ATXN7L1: variants seen among roughly 807,000 people sequenced by gnomAD.
ATXN7L1 encodes the protein ataxin 7 like 1, also known as ataxin-7-like protein 1.
ATXN7L1 carries 15 observed loss-of-function variants against 70.8 expected under a neutral mutation model. That is an observed-to-expected ratio of 0.21 (90% CI 0.14 to 0.33). The LOEUF is 0.33. ATXN7L1 is among the 10% of genes least tolerant of loss of function. The pLI is 1.00. For synonymous variants in ATXN7L1, 440 were observed against 445.1 expected (o/e 0.99, Z 0.14); for missense variants, 975 against 1,097.1 (o/e 0.89, Z 1.57).
chr7:105,821,525 C>T (rs886755446), intron 2 of ATXN7L1, among the ~76,000 whole-genome samples: 3 of 152,076 alleles, frequency 2.0e-5, no homozygotes, highest in African/African-American at 4.8e-5. Flanking sequence ...TGTTGAATGG[C>T]GTAGAAGATT....
chr7:105,852,839 A>G (rs1016999552), intron 2 of ATXN7L1, among the ~76,000 whole-genome samples: 6 of 152,074 alleles, frequency 3.9e-5, no homozygotes, highest in African/African-American at 1.4e-4. Context: ...TAAAATGTCA[A>G]ATATACATAC....
At chr7:105,760,248 G>A in intron 3 of ATXN7L1, 1 of 982,574 alleles carries the variant, frequency 1.0e-6, no homozygotes, top group African/African-American at 1.7e-5. Context: ...AAGTGACAAA[G>A]GATATTTATG....
chr7:105,807,372 C>T (rs1364687332), intron 2 of ATXN7L1, among the ~76,000 whole-genome samples: 1 of 152,212 alleles, frequency 6.6e-6, no homozygotes, highest in African/African-American at 2.4e-5. Flanking sequence ...CTGCACTTCC[C>T]TGCCTCAAAA....
At chr7:105,653,676 C>T (rs1407914949) in intron 4 of ATXN7L1, among the ~76,000 whole-genome samples, 3 of 152,172 alleles carry the variant, frequency 2.0e-5, no homozygotes, top group African/African-American at 7.2e-5. Flanking sequence ...GCAAATCTGA[C>T]CATGAAAGTC....
At chr7:105,683,068 A>G (rs1307909010) in intron 3 of ATXN7L1, among the ~76,000 whole-genome samples, 7 of 152,256 alleles carry the variant, frequency 4.6e-5, no homozygotes, top group Non-Finnish European at 1.0e-4. Flanking sequence ...TAAAGGAGGT[A>G]ATTTTTAAGT....
At chr7:105,686,630 C>T (rs930746160) in intron 3 of ATXN7L1, among the ~76,000 whole-genome samples, 2 of 152,214 alleles carry the variant, frequency 1.3e-5, no homozygotes, top group Non-Finnish European at 2.9e-5. Flanking sequence ...TACAGTCGGG[C>T]AGAATGCCCT....
At chr7:105,679,405 G>T (rs756915602) in intron 3 of ATXN7L1, among the ~76,000 whole-genome samples, 5 of 152,100 alleles carry the variant, frequency 3.3e-5, no homozygotes, top group Non-Finnish European at 7.3e-5. Flanking sequence ...TCTGGCCTGG[G>T]TCCCCGGTCC....
intron 7 of ATXN7L1, among the ~76,000 whole-genome samples, chr7:105,635,940 T>C (rs1375199640): frequency 2.6e-5 from 4 of 152,152 alleles, no homozygotes; most frequent in Non-Finnish European, 5.9e-5. Context: ...TTGTAAGTTT[T>C]GTGTGATTAC....
intron 2 of ATXN7L1, among the ~76,000 whole-genome samples, chr7:105,832,102 T>C (rs541058269): frequency 1.3e-5 from 2 of 152,274 alleles, no homozygotes; most frequent in African/African-American, 4.8e-5. Flanking sequence ...GGAGGGCCTA[T>C]TGAAGAAATA....
chr7:105,860,128 A>AATATATAT (rs1470485018), intron 2 of ATXN7L1, among the ~76,000 whole-genome samples: 889 of 70,630 alleles, frequency 0.013, 38 homozygotes, highest in East Asian at 0.028. Flanking sequence ...TTTATATGTA[A>AATATATAT]ATATATATAT....
chr7:105,802,928 C>T (rs904489382), intron 2 of ATXN7L1, among the ~76,000 whole-genome samples: 7 of 152,212 alleles, frequency 4.6e-5, no homozygotes, highest in African/African-American at 1.7e-4. Context: ...ATTCCAGCAG[C>T]TTCGTAGTGT....
At chr7:105,624,469 G>T (rs907072612) in intron 7 of ATXN7L1, among the ~76,000 whole-genome samples, 4 of 152,096 alleles carry the variant, frequency 2.6e-5, no homozygotes, top group African/African-American at 4.8e-5. Flanking sequence ...GGCCAACATG[G>T]TGAAACCCCG....
rs1373691615 is a variant in ATXN7L1, at chr7:105,670,854, C to T, written c.356-5566G>A. Among the ~76,000 whole-genome samples, 3 of 152,062 alleles carry T rather than the reference C, an allele frequency of 2.0e-5. No homozygotes were observed. In the East Asian group the frequency reaches 5.8e-4, roughly 29 times the overall value. On this transcript the variant is annotated intron_variant, in intron 3 of 11. Transcript: ENST00000419735. ...GGGCGCGGTGGCTCACGCCTGTAATCCCAGCACTTTGGGAGGCCGAGGCGG... is the reference window on the plus strand; with the variant it reads ...GGGCGCGGTGGCTCACGCCTGTAATTCCAGCACTTTGGGAGGCCGAGGCGG...
intron 3 of ATXN7L1, among the ~76,000 whole-genome samples, chr7:105,766,063 C>T (rs1378702501): frequency 6.6e-6 from 1 of 151,660 alleles, no homozygotes; most frequent in Non-Finnish European, 1.5e-5. Context: ...ACACTCAACC[C>T]TTTGGCATAG....
chr7:105,669,150 T>C (rs1803126102), intron 3 of ATXN7L1, among the ~76,000 whole-genome samples: 1 of 152,204 alleles, frequency 6.6e-6, no homozygotes, highest in East Asian at 1.9e-4. Context: ...CGGCGTGATC[T>C]TGGCTCACTG....
intron 3 of ATXN7L1, among the ~76,000 whole-genome samples, chr7:105,704,848 T>G (rs1417562699): frequency 6.6e-6 from 1 of 151,920 alleles, no homozygotes; most frequent in Non-Finnish European, 1.5e-5. Context: ...TAACCTCAGG[T>G]GATCTGCCCC....
intron 3 of ATXN7L1, among the ~76,000 whole-genome samples, chr7:105,769,135 T>C (rs989098073): frequency 3.3e-5 from 5 of 152,184 alleles, no homozygotes; most frequent in African/African-American, 1.2e-4. Flanking sequence ...TGAGTTGTTA[T>C]GAAAATGAAA....
intron 2 of ATXN7L1, among the ~76,000 whole-genome samples, chr7:105,809,564 G>T (rs1382997369): frequency 1.3e-5 from 2 of 152,226 alleles, no homozygotes; most frequent in Non-Finnish European, 2.9e-5. Flanking sequence ...GTGTCCTCAA[G>T]GTTCAAATAT....
At chr7:105,662,414 C>T (rs2116051361) in intron 4 of ATXN7L1, among the ~76,000 whole-genome samples, 1 of 152,240 alleles carries the variant, frequency 6.6e-6, no homozygotes, top group East Asian at 1.9e-4. Flanking sequence ...ATTCTTTCTG[C>T]CCCTTTTTGC....
Sources: allele counts gnomAD v4.1 joint callset (sites outside exome capture counted in the v4.1 genomes callset), GRCh38; gene constraint gnomAD v4.1.1; transcripts MANE v1.5; gene names NCBI Gene and HGNC (gene_info 2026-07-23, HGNC 2026-07-21).